Variants in PDE8A observed in about 807,000 individuals in gnomAD.
PDE8A encodes the protein phosphodiesterase 8A, also known as high affinity cAMP-specific and IBMX-insensitive 3',5'-cyclic phosphodiesterase 8A.
A neutral mutation model predicts 105.0 loss-of-function variants in PDE8A; 59 were observed. The observed-to-expected ratio is 0.56, with a 90% CI of 0.46 to 0.70. PDE8A has a LOEUF of 0.70. PDE8A is among the 30% of genes least tolerant of loss of function. PDE8A has a pLI of 0.00. For synonymous variants in PDE8A, 355 were observed against 371.9 expected, an observed-to-expected ratio of 0.95 and a Z score of 0.52; for missense variants, 1,014 against 1,045.9, an observed-to-expected ratio of 0.97 and a Z score of 0.42.
intron 1 of PDE8A, among the ~76,000 whole-genome samples, chr15:84,997,947 T>G (rs1055332948): frequency 6.6e-6 from 1 of 152,236 alleles, no homozygotes; most frequent in Non-Finnish European, 1.5e-5. Context: ...TATAAGGCTT[T>G]GTGCACAAAG....
intron 1 of PDE8A, among the ~76,000 whole-genome samples, chr15:85,052,984 C>A (rs923911787): frequency 6.6e-6 from 1 of 151,962 alleles, no homozygotes; most frequent in African/African-American, 2.4e-5. Context: ...TTTAATCCAT[C>A]TTGAATTTTT....
chr15:85,104,767 CA>C (rs1256802443), intron 11 of PDE8A, among the ~76,000 whole-genome samples: 4 of 152,034 alleles, frequency 2.6e-5, no homozygotes, highest in African/African-American at 9.7e-5. Flanking sequence ...AGTGATAAGC[CA>C]AAACTTTTGG....
chr15:85,026,241 C>T (rs796114152), intron 1 of PDE8A, among the ~76,000 whole-genome samples: 15 of 152,112 alleles, frequency 9.9e-5, no homozygotes, highest in African/African-American at 3.4e-4. Flanking sequence ...GGACAGGGTA[C>T]AATGGGAGGT....
chr15:85,000,509 C>CTT (rs1263035596), intron 1 of PDE8A, among the ~76,000 whole-genome samples: 1 of 152,216 alleles, frequency 6.6e-6, no homozygotes, highest in Non-Finnish European at 1.5e-5. Flanking sequence ...GCTAGCTTTG[C>CTT]TTACTGTGCT....
At chr15:85,122,679 A>G (rs895053154) in intron 18 of PDE8A, among the ~76,000 whole-genome samples, 3 of 152,210 alleles carry the variant, frequency 2.0e-5, no homozygotes, top group Non-Finnish European at 2.9e-5. Flanking sequence ...TGGAGGTATC[A>G]AGTACTCCCT....
At chr15:85,082,097 A>G (rs572336311) in intron 5 of PDE8A, among the ~76,000 whole-genome samples, 3 of 152,214 alleles carry the variant, frequency 2.0e-5, no homozygotes, top group East Asian at 1.9e-4. Flanking sequence ...GTCCCTGCCC[A>G]ATCAGAAGTG....
chr15:85,008,533 C>T (rs1205971381), intron 1 of PDE8A, among the ~76,000 whole-genome samples: 1 of 152,072 alleles, frequency 6.6e-6, no homozygotes, highest in African/African-American at 2.4e-5. Flanking sequence ...TAACCGGACC[C>T]TGTGGCTGTG....
At chr15:85,071,554 C>G (rs1322661222) in intron 3 of PDE8A, among the ~76,000 whole-genome samples, 2 of 152,206 alleles carry the variant, frequency 1.3e-5, no homozygotes, top group African/African-American at 4.8e-5. Flanking sequence ...TTCTCAGGTT[C>G]AGTTTGAGAA....
rs61375115 is a variant in PDE8A, at chr15:85,021,849, C to T, written c.186+39501C>T. Among the ~76,000 whole-genome samples the T allele has an allele frequency of 4.9e-3, 753 of 152,222 alleles. 3 individuals are homozygous for T. The highest frequency in any genetic ancestry group is 0.017 in the African/African-American group (697 of 41,520). The stretch of plus-strand genomic sequence containing the variant: ...ATAGATTCAGGCTGTGCACGTTTGG[C>T]GGGAATACCACAAAAGGGAGGTTGC... On this transcript the variant is annotated intron_variant, in intron 1 of 21. Coordinates refer to ENST00000394553, the MANE Select transcript of PDE8A (RefSeq NM_002605.3).
At chr15:85,020,463 G>A (rs1195766801) in intron 1 of PDE8A, among the ~76,000 whole-genome samples, 4 of 152,222 alleles carry the variant, frequency 2.6e-5, no homozygotes, top group East Asian at 3.8e-4. Flanking sequence ...AGTTAGCCGG[G>A]CATGGTGGCG....
chr15:85,022,002 A>G (rs929013561), intron 1 of PDE8A, among the ~76,000 whole-genome samples: 16 of 152,236 alleles, frequency 1.1e-4, no homozygotes, highest in African/African-American at 3.9e-4. Context: ...TTTGAAATGA[A>G]TAAATATCTT....
At chr15:85,006,385 G>T (rs1324655172) in intron 1 of PDE8A, among the ~76,000 whole-genome samples, 1 of 152,158 alleles carries the variant, frequency 6.6e-6, no homozygotes, top group Non-Finnish European at 1.5e-5. Flanking sequence ...CTGAGGGCAG[G>T]ATGCCATACA....
At chr15:85,085,922 T>G (rs12438541) in intron 6 of PDE8A, among the ~76,000 whole-genome samples, 55,354 of 147,558 alleles carry the variant, frequency 0.38, 10,871 homozygotes, top group Middle Eastern at 0.53. Flanking sequence ...TGAGGCAGGA[T>G]AATCACTGGA....
At chr15:84,992,162 A>T (rs1203171390) in intron 1 of PDE8A, among the ~76,000 whole-genome samples, 2 of 152,176 alleles carry the variant, frequency 1.3e-5, no homozygotes, top group African/African-American at 4.8e-5. Flanking sequence ...GCTCTCAGGG[A>T]ACAATTAGTC....
At chr15:85,025,954 C>T (rs1402247366) in intron 1 of PDE8A, among the ~76,000 whole-genome samples, 3 of 152,190 alleles carry the variant, frequency 2.0e-5, no homozygotes, top group African/African-American at 4.8e-5. Context: ...ACACCCATCC[C>T]ATCCATCCCT....
At chr15:85,120,306 A>G (rs1422812587) in intron 17 of PDE8A, 1 of 152,212 alleles carries the variant, frequency 6.6e-6, no homozygotes, top group Non-Finnish European at 1.5e-5. Context: ...GAGTCTTGAA[A>G]AAGATGGAAA....
intron 1 of PDE8A, among the ~76,000 whole-genome samples, chr15:84,994,695 G>A (rs528876316): frequency 3.3e-5 from 5 of 152,204 alleles, no homozygotes; most frequent in South Asian, 2.1e-4. Flanking sequence ...GGACGGGAGC[G>A]GTGGCTCACG....
intron 1 of PDE8A, among the ~76,000 whole-genome samples, chr15:85,042,726 G>A (rs949694337): frequency 6.6e-6 from 1 of 152,146 alleles, no homozygotes; most frequent in Non-Finnish European, 1.5e-5. Flanking sequence ...CAGTAGTAAT[G>A]GCTATACATT....
intron 18 of PDE8A, among the ~76,000 whole-genome samples, chr15:85,121,995 A>T (rs1208598947): frequency 6.6e-6 from 1 of 152,006 alleles, no homozygotes; most frequent in Non-Finnish European, 1.5e-5. Flanking sequence ...GCTCTTAGAG[A>T]CTCAAAGAAG....
Sources: gnomAD v4.1 joint callset for allele counts (sites outside exome capture counted in the v4.1 genomes callset) on GRCh38, gnomAD v4.1.1 for gene constraint, MANE v1.5 for transcripts, NCBI Gene and HGNC (gene_info 2026-07-23, HGNC 2026-07-21) for gene names.